The following MICB variants were observed in gnomAD, a reference collection of about 807,000 sequenced individuals.
The protein encoded by MICB is MHC class I antigen-related protein B.
MICB carries 27 observed loss-of-function variants against 34.3 expected under a neutral mutation model. The observed-to-expected ratio is 0.79, with a 90% confidence interval of 0.58 to 1.08. The LOEUF (loss-of-function observed/expected upper bound fraction) is 1.08. Among genes scored for constraint, MICB ranks in the 50% least tolerant of loss-of-function variants. The pLI, the probability that MICB is intolerant of heterozygous loss-of-function variation, is 0.00. For missense variants in MICB, 426 were observed against 483.1 expected, an observed-to-expected ratio of 0.88 and a Z score of 1.11; for synonymous variants, 153 against 187.4, an observed-to-expected ratio of 0.82 and a Z score of 1.50.
upstream of MICB, among the ~76,000 whole-genome samples, chr6:31,495,956 G>C (rs1427806109): frequency 6.6e-6 from 1 of 152,152 alleles, no homozygotes; most frequent in African/African-American, 2.4e-5. Flanking sequence ...CATCAGGAAG[G>C]TTCAAACCAT....
rs1393664514 is a variant in MICB, at chr6:31,507,374, G to T, written c.893-26G>T. On this transcript the variant is annotated intron_variant, in intron 4 of 5. Coordinates refer to ENST00000252229, the MANE Select transcript of MICB (RefSeq NM_005931.5). The surrounding 1 kb of genome is among the most constrained non-coding windows in gnomAD (Gnocchi z 6.0). ...AAGGACGGCTGTGGCTCTCTGCCCA[G>T]TGTATAACAAGTCCCTTTTTTTCAG... The T allele has an allele frequency of 1.9e-6, 3 of 1,614,044 alleles. No individual in the cohort carries two copies. Among genetic ancestry groups the T allele is most frequent in the Non-Finnish European group, 2.5e-6 (3 of 1,179,988 alleles).
chr6:31,498,066 G>A, upstream of MICB: 1 of 601,000 alleles, frequency 1.7e-6, no homozygotes, highest in Non-Finnish European at 2.6e-6. Context: ...TAAGTTCCGG[G>A]CCTCAGTTTT....
At chr6:31,497,234 G>A (rs1228840715), upstream of MICB, among the ~76,000 whole-genome samples, 2 of 152,162 alleles carry the variant, frequency 1.3e-5, no homozygotes, top group Non-Finnish European at 2.9e-5. Context: ...AAATCAGAAG[G>A]GACCAAGGAT....
rs1174812077 is a variant in MICB at position 31,510,224 on chromosome 6, G to A, written c.*315G>A. 3 of 245,670 alleles carry A rather than the reference G, an allele frequency of 1.2e-5. No homozygotes were observed. The highest frequency in any genetic ancestry group is 2.3e-5 in the Non-Finnish European group (3 of 129,394). The allele number at this position is 245,670 out of a possible 1,614,324, so 15.2% of individuals were successfully genotyped here. ...TTGCTGAGGGCATTCACTCCATGGT[G>A]CTCATTGGAGTTATCTACTGGGTCA... On this transcript the variant is annotated 3_prime_UTR_variant, in exon 6 of 6. Transcript: ENST00000252229.
At chr6:31,502,156 G>A (rs2534663) in intron 1 of MICB, among the ~76,000 whole-genome samples, 99,185 of 151,792 alleles carry the variant, frequency 0.65, 32,567 homozygotes, top group Middle Eastern at 0.73. Context: ...ATCAACATGG[G>A]GAAACCCCGC....
Position 31,509,689 on chromosome 6 carries a change from C to A in MICB, c.1025-93C>A, listed in dbSNP as rs6913243. 1.5e-4 allele frequency: 217 copies of A among 1,424,746 alleles called. No individual in the cohort carries two copies. The African/African-American group carries it at 3.0e-3, about 20-fold the overall frequency. 88.3% of individuals were successfully genotyped at this position (1,424,746 alleles called of 1,614,324 possible). Reference sequence around the variant, plus strand: ...ATCTTCTCTCAGAGAAAGGGCGAATCTGATTTTGGGGCAACTGAAGAGAGA... The same window carrying A: ...ATCTTCTCTCAGAGAAAGGGCGAATATGATTTTGGGGCAACTGAAGAGAGA... On this transcript the variant is annotated intron_variant, in intron 5 of 5. Transcript: ENST00000252229.
At chr6:31,498,128 G>T (rs2516497), upstream of MICB, 93,917 of 1,370,048 alleles carry the variant, frequency 0.069, 3,842 homozygotes, top group African/African-American at 0.098. Context: ...TTTCGACGGG[G>T]TCTTCTCACG....
At chr6:31,495,492 G>A (rs1269576519), upstream of MICB, among the ~76,000 whole-genome samples, 6 of 152,178 alleles carry the variant, frequency 3.9e-5, 1 homozygote, top group South Asian at 8.3e-4. Flanking sequence ...AATAAATTAT[G>A]AGGATCAAAA....
Position 31,499,287 on chromosome 6 carries a change from A to T in MICB, c.70+1024A>T, listed in dbSNP as rs150151316. 3.2e-3 allele frequency among the ~76,000 whole-genome samples: 488 copies of T among 151,432 alleles called. 2 individuals carry two copies. Among genetic ancestry groups the T allele is most frequent in the Middle Eastern group, 0.021 (6 of 292 alleles). ...ATGACCAATGATCTAAGGACACCAG[A>T]TTCCCTCTCACCTCCTCCCTGCCCA... is the stretch of plus-strand genomic sequence containing the variant. On this transcript the variant is annotated intron_variant, in intron 1 of 5. Transcript: ENST00000252229.
intron 5 of MICB, among the ~76,000 whole-genome samples, chr6:31,509,098 C>T (rs1296183261): frequency 2.0e-5 from 3 of 152,130 alleles, no homozygotes; most frequent in Non-Finnish European, 4.4e-5. Flanking sequence ...GTAAGTGGAC[C>T]AGGAGTAAGT....
At chr6:31,499,756 C>T (rs1252608182) in intron 1 of MICB, among the ~76,000 whole-genome samples, 2 of 152,226 alleles carry the variant, frequency 1.3e-5, no homozygotes, top group Non-Finnish European at 2.9e-5. Flanking sequence ...CACCCTCCAG[C>T]CCACAGGTGC....
intron 5 of MICB, 68 bp from the exon 6 acceptor site, chr6:31,509,713 GA>G (rs1765556844): frequency 5.4e-6 from 8 of 1,472,724 alleles, no homozygotes; most frequent in Non-Finnish European, 7.2e-6. Context: ...ACTGAAGAGA[GA>G]AAAGTCCTTA....
chr6:31,498,014 T>C, upstream of MICB: 1 of 373,466 alleles, frequency 2.7e-6, no homozygotes, highest in South Asian at 2.6e-5. Flanking sequence ...TAGAATTTTC[T>C]CTTCTGAACG....
At position 31,498,446 on chromosome 6, in the gene MICB, CTTTTTTTTTTTTTTTTTTTTTTTTT is replaced by C. The variant is rs9279321; in HGVS notation, c.70+196_70+220del. ...AGCCCTGCTTTCCCATCTCCCGTCT[CTTTTTTTTTTTTTTTTTTTTTTTTT>C]TTTTTTTTTTTTCTTTCTGAGACGG... On this transcript the variant is annotated intron_variant, in intron 1 of 5. Transcript: ENST00000252229. Among the ~76,000 whole-genome samples, 100 of 89,304 alleles carry C rather than the reference CTTTTTTTTTTTTTTTTTTTTTTTTT, an allele frequency of 1.1e-3. 1 individual carries two copies. Among genetic ancestry groups the C allele is most frequent in the African/African-American group, 4.2e-3 (90 of 21,534 alleles). 58.6% of individuals were successfully genotyped at this position (89,304 alleles called of 152,430 possible).
chr6:31,502,054 G>A (rs539273951), intron 1 of MICB, among the ~76,000 whole-genome samples: 20 of 152,216 alleles, frequency 1.3e-4, no homozygotes, highest in African/African-American at 4.3e-4. Context: ...TGATTCTTCC[G>A]GCTGGGCACG....
rs2150298004 is a variant in MICB, at chr6:31,510,645, A to G, written c.*736A>G. ...ACTGCAACCTCTGCCTCCCAGGTTC[A>G]AGCACTTCTCGTACCTCAGACTCCC... On this transcript the variant is annotated 3_prime_UTR_variant, in exon 6 of 6. Coordinates refer to ENST00000252229, the MANE Select transcript of MICB (RefSeq NM_005931.5). The G allele has an allele frequency of 6.6e-6, 1 of 152,268 alleles. No homozygotes were observed. The highest frequency in any genetic ancestry group is 1.9e-4 in the East Asian group (1 of 5,186). The allele number at this position is 152,268 out of a possible 1,614,324, so 9.4% of individuals were successfully genotyped here. A position where few individuals can be genotyped will look rare whatever the true frequency, so the allele number is the denominator to read the frequency against.
At chr6:31,503,949 C>CTGTTTGTGTG (rs28751333) in intron 1 of MICB, among the ~76,000 whole-genome samples, 4,940 of 97,468 alleles carry the variant, frequency 0.051, 154 homozygotes, top group South Asian at 0.18. Context: ...GCCAAACTTG[C>CTGTTTGTGTG]TGTGTGTGTG....
chr6:31,509,728 A>T (rs1582886487), intron 5 of MICB, 54 bp from the exon 6 acceptor site: 1 of 1,503,088 alleles, frequency 6.7e-7, no homozygotes, highest in Non-Finnish European at 8.9e-7. Context: ...GTCCTTAGGG[A>T]ATAAACACAA....
Position 31,505,652 on chromosome 6 carries a change from T to A in MICB, c.106T>A (p.Ser36Thr). 1 of 1,612,846 alleles carries A rather than the reference T, an allele frequency of 6.2e-7. No homozygotes were observed. The highest frequency in any genetic ancestry group is 1.1e-5 in the South Asian group (1 of 91,066). The change falls in exon 2 of 6, where the codon TCC becomes ACC. Residue 36 changes from serine (S) to threonine (T), a missense_variant. Physicochemically the swap from Ser to Thr is moderately conservative, Grantham distance 58 (BLOSUM62 1). Coordinates refer to ENST00000252229, the MANE Select transcript of MICB (RefSeq NM_005931.5). ...HSLRYNLMVL[S>T]QDGSVQSGFL... Reference sequence around the variant, plus strand: ...TCTTCGTTACAACCTCATGGTGCTGTCCCAGGATGGATCTGTGCAGTCAGG... The same window carrying A: ...TCTTCGTTACAACCTCATGGTGCTGACCCAGGATGGATCTGTGCAGTCAGG...
Sources: allele counts gnomAD v4.1 joint callset (sites outside exome capture counted in the v4.1 genomes callset), GRCh38; gene constraint gnomAD v4.1.1; non-coding constraint Gnocchi (gnomAD v3.1); transcripts MANE v1.5; gene names NCBI Gene and HGNC (gene_info 2026-07-23, HGNC 2026-07-21).